CDYL: variants seen among roughly 807,000 people sequenced by gnomAD.
The protein encoded by CDYL is chromodomain Y like.
Under a neutral mutation model 47.3 loss-of-function variants are expected in CDYL, and 8 were observed. That is an observed-to-expected ratio of 0.17 (90% confidence interval 0.10 to 0.31). The LOEUF is 0.31. CDYL is among the 10% of genes least tolerant of loss of function. The pLI, the probability that CDYL is intolerant of heterozygous loss-of-function variation, is 1.00. For missense variants in CDYL, 471 were observed against 701.4 expected (o/e 0.67, Z 3.71); for synonymous variants, 266 against 265.0 (o/e 1.00, Z -0.04).
At chr6:4,798,422 G>A (rs1343885744) in intron 1 of CDYL, among the ~76,000 whole-genome samples, 3 of 152,138 alleles carry the variant, frequency 2.0e-5, no homozygotes, top group East Asian at 1.9e-4. Flanking sequence ...TCTTAGAGCT[G>A]ATGAAAAGTC....
chr6:4,718,910 TG>T (rs56969589), intron 2 of CDYL, among the ~76,000 whole-genome samples: 13,992 of 129,398 alleles, frequency 0.11, 699 homozygotes, highest in African/African-American at 0.18. Flanking sequence ...TTATTTCCAC[TG>T]GTTTTTTTTT....
chr6:4,713,062 T>C (rs1757180986), intron 1 of CDYL, among the ~76,000 whole-genome samples: 1 of 152,184 alleles, frequency 6.6e-6, no homozygotes, highest in African/African-American at 2.4e-5. Context: ...GGAGGATCGC[T>C]TGAGCCCAGA....
chr6:4,889,327 A>G (rs1356013901), intron 1 of CDYL, among the ~76,000 whole-genome samples: 1 of 151,728 alleles, frequency 6.6e-6, no homozygotes, highest in African/African-American at 2.4e-5. Context: ...TGGTTCAAGC[A>G]ATTCTCCTGC....
intron 2 of CDYL, among the ~76,000 whole-genome samples, chr6:4,722,083 GA>G (rs543087791): frequency 9.9e-4 from 150 of 152,100 alleles, no homozygotes; most frequent in African/African-American, 3.5e-3. Flanking sequence ...TCAAACTCCT[GA>G]CCTTTTGATC....
At chr6:4,948,781 C>T (rs2127528093) in intron 5 of CDYL, among the ~76,000 whole-genome samples, 1 of 152,370 alleles carries the variant, frequency 6.6e-6, no homozygotes, top group East Asian at 1.9e-4. Context: ...CTGCATTTCA[C>T]TCGGCGTGAA....
intron 1 of CDYL, among the ~76,000 whole-genome samples, chr6:4,862,722 A>C (rs1761207480): frequency 6.6e-6 from 1 of 152,184 alleles, no homozygotes; most frequent in South Asian, 2.1e-4. Context: ...CTATTTCCTC[A>C]TTTATAGCTT....
chr6:4,827,090 G>A (rs11961513), intron 1 of CDYL, among the ~76,000 whole-genome samples: 14,707 of 152,118 alleles, frequency 0.097, 2,346 homozygotes, highest in African/African-American at 0.34. Flanking sequence ...CTTAAAGTCT[G>A]TTTTGTCTGA....
At position 4,905,711 on chromosome 6, in the gene CDYL, T is replaced by C. The variant is rs532576319; in HGVS notation, c.691+13332T>C. On this transcript the variant is annotated intron_variant, in intron 2 of 6. Transcript: ENST00000397588. ...GGCTTTCTGCATGCTGCACGCCTCT[T>C]ATGTCAAGTCTTTGCCTCCATTTTT... Among the ~76,000 whole-genome samples the C allele has an allele frequency of 2.0e-5, 3 of 152,410 alleles. No individual in the cohort carries two copies. The South Asian group carries it at 6.2e-4, about 32-fold the overall frequency.
intron 1 of CDYL, among the ~76,000 whole-genome samples, chr6:4,840,823 A>C (rs907030284): frequency 6.6e-6 from 1 of 152,094 alleles, no homozygotes; most frequent in African/African-American, 2.4e-5. Context: ...TTTTGCATCT[A>C]TATTCATCAG....
At chr6:4,829,173 T>G (rs2127452693) in intron 1 of CDYL, among the ~76,000 whole-genome samples, 1 of 152,344 alleles carries the variant, frequency 6.6e-6, no homozygotes, top group Admixed American at 6.5e-5. Context: ...TGTTGAAAAC[T>G]GCACATTTGA....
intron 4 of CDYL, among the ~76,000 whole-genome samples, chr6:4,941,576 C>G (rs1006166317): frequency 6.6e-5 from 10 of 152,168 alleles, no homozygotes; most frequent in Non-Finnish European, 1.5e-4. Flanking sequence ...GGTGAAGTCA[C>G]CATTCCAGGC....
intron 2 of CDYL, among the ~76,000 whole-genome samples, chr6:4,913,131 C>G (rs1275360084): frequency 6.6e-6 from 1 of 152,176 alleles, no homozygotes. Context: ...GTTTGTTTCC[C>G]TGGGATCAAA....
intron 3 of CDYL, among the ~76,000 whole-genome samples, chr6:4,746,644 G>A (rs1431248426): frequency 6.6e-6 from 1 of 152,210 alleles, no homozygotes; most frequent in Non-Finnish European, 1.5e-5. Flanking sequence ...TTAGGCTGAT[G>A]AGTGGGTCCA....
At chr6:4,754,406 A>G (rs1758044626) in intron 3 of CDYL, among the ~76,000 whole-genome samples, 1 of 152,326 alleles carries the variant, frequency 6.6e-6, no homozygotes, top group South Asian at 2.1e-4. Flanking sequence ...ATAAACAGAC[A>G]TTGAAGGGTA....
chr6:4,792,366 C>T lies in CDYL; in HGVS notation c.24+15559C>T, dbSNP rs538063703. Among the ~76,000 whole-genome samples, 5 of 151,608 alleles carry T rather than the reference C, an allele frequency of 3.3e-5. No individual in the cohort carries two copies. In the South Asian group the frequency reaches 8.3e-4, roughly 25 times the overall value. Reference sequence around the variant, plus strand: ...TTTGTCCTTTTTAAAATCAATAATACATTTATGTTTCACTTGCCAAATTAA... The same window carrying T: ...TTTGTCCTTTTTAAAATCAATAATATATTTATGTTTCACTTGCCAAATTAA... On this transcript the variant is annotated intron_variant, in intron 1 of 6. Coordinates refer to ENST00000397588, the MANE Select transcript of CDYL (RefSeq NM_004824.4).
chr6:4,856,059 G>A (rs1232907545), intron 1 of CDYL, among the ~76,000 whole-genome samples: 5 of 152,196 alleles, frequency 3.3e-5, no homozygotes, highest in Non-Finnish European at 7.3e-5. Context: ...CATTCATATA[G>A]ATTATAGAGA....
Position 4,805,649 on chromosome 6 carries a change from G to C in CDYL, c.24+28842G>C, listed in dbSNP as rs1199610088. 2.6e-5 allele frequency among the ~76,000 whole-genome samples: 4 copies of C among 152,264 alleles called. No individual in the cohort carries two copies. The East Asian group carries it at 7.7e-4, about 29-fold the overall frequency. ...GGAGCCAGTGGCGTAAAGTCCCAGT[G>C]GGAGACTGAAGGCCCGGGAACCAGG... is the stretch of plus-strand genomic sequence containing the variant. On this transcript the variant is annotated intron_variant, in intron 1 of 6. Transcript: ENST00000397588.
At chr6:4,838,134 T>TAA (rs1561662507) in intron 1 of CDYL, among the ~76,000 whole-genome samples, 1 of 152,162 alleles carries the variant, frequency 6.6e-6, no homozygotes, top group Non-Finnish European at 1.5e-5. Flanking sequence ...TGTGACTCTT[T>TAA]AAAAGTTTTT....
Position 4,724,897 on chromosome 6 carries a change from G to C in CDYL, c.103+9016G>C, listed in dbSNP as rs150647075. ...CACAGCAGATTACCGCTGCTGGCTC[G>C]GGCAGCCTGCTTTTATTCTCTTACC... On this transcript the variant is annotated intron_variant, in intron 2 of 8. Coordinates refer to the CDYL transcript ENST00000328908. 137 of 152,234 alleles carry C rather than the reference G, an allele frequency of 9.0e-4. 1 individual carries two copies. Among genetic ancestry groups the C allele is most frequent in the African/African-American group, 3.1e-3 (129 of 41,512 alleles). The allele number at this position is 152,234 out of a possible 1,614,324, so 9.4% of individuals were successfully genotyped here. A position where few individuals can be genotyped will look rare whatever the true frequency, so the allele number is the denominator to read the frequency against.
Sources: allele counts gnomAD v4.1 joint callset (sites outside exome capture counted in the v4.1 genomes callset), GRCh38; gene constraint gnomAD v4.1.1; transcripts MANE v1.5; gene names NCBI Gene and HGNC (gene_info 2026-07-23, HGNC 2026-07-21).